Variants in TMEM101 observed in about 807,000 individuals in gnomAD.
TMEM101 encodes the protein transmembrane protein 101.
A neutral mutation model predicts 26.0 loss-of-function variants in TMEM101; 14 were observed. The observed-to-expected ratio is 0.54, with a 90% confidence interval of 0.36 to 0.84. The LOEUF (loss-of-function observed/expected upper bound fraction) is 0.84, where lower values mean the gene tolerates loss of function less well. Ranked by LOEUF, TMEM101 falls within the 40% of genes least tolerant of loss-of-function variation. TMEM101 has a pLI of 0.01. For missense variants in TMEM101, 292 were observed against 345.1 expected (o/e 0.85, Z 1.22); for synonymous variants, 152 against 145.1 (o/e 1.05, Z -0.34).
chr17:44,014,799 T>A lies in TMEM101; in HGVS notation c.137+17A>T. On this transcript the variant is annotated intron_variant, in intron 1 of 3. Coordinates refer to ENST00000206380, the MANE Select transcript of TMEM101 (RefSeq NM_032376.4). ...ACCGCCCCCTGCCGCGTTTAGCGGCTGCGTAGGCCTGCTCACCGGCGTGCC... is the reference window on the plus strand; with the variant it reads ...ACCGCCCCCTGCCGCGTTTAGCGGCAGCGTAGGCCTGCTCACCGGCGTGCC... The A allele has an allele frequency of 6.5e-7, 1 of 1,540,940 alleles. No individual in the cohort carries two copies. The highest frequency in any genetic ancestry group is 8.8e-7 in the Non-Finnish European group (1 of 1,141,792).
At chr17:44,016,125 G>GCACACA (rs34740275), upstream of TMEM101, among the ~76,000 whole-genome samples, 1 of 147,946 alleles carries the variant, frequency 6.8e-6, no homozygotes, top group African/African-American at 2.5e-5. Context: ...AGATACACAC[G>GCACACA]CACACACACA....
upstream of TMEM101, among the ~76,000 whole-genome samples, chr17:44,016,258 C>T (rs1444348799): frequency 8.5e-5 from 13 of 152,052 alleles, no homozygotes; most frequent in East Asian, 1.9e-4. Flanking sequence ...CTACAGCCTA[C>T]ACCTCCCAGG....
chr17:44,023,103 G>A (rs7223038), exon 1 of TMEM101: 60,958 of 360,032 alleles, frequency 0.17, 5,852 homozygotes, highest in Non-Finnish European at 0.21. Context: ...TCGGCCACTC[G>A]TCCGTGCACA....
rs559735674 is a variant in TMEM101, at chr17:44,014,743, G to A, written c.137+73C>T. ...CAATTCCTCCCAGTTCAAGGGTCCC[G>A]ACTTCTAGCCCCCAATTTCTTGCCC... On this transcript the variant is annotated intron_variant, in intron 1 of 3. Transcript: ENST00000206380. 4.2e-5 allele frequency: 64 copies of A among 1,514,868 alleles called. No individual in the cohort carries two copies. In the Middle Eastern group the frequency reaches 1.2e-3, roughly 28 times the overall value. 93.8% of individuals were successfully genotyped at this position (1,514,868 alleles called of 1,614,324 possible). A position where few individuals can be genotyped will look rare whatever the true frequency, so the allele number is the denominator to read the frequency against.
upstream of TMEM101, among the ~76,000 whole-genome samples, chr17:44,015,905 C>A (rs1459734241): frequency 6.6e-6 from 1 of 152,068 alleles, no homozygotes; most frequent in Non-Finnish European, 1.5e-5. Flanking sequence ...CAAGTCAGTC[C>A]ATTTCTCCAG....
At chr17:44,022,935 T>C (rs2049298813) in intron 1 of TMEM101, 1 of 159,978 alleles carries the variant, frequency 6.3e-6, no homozygotes, top group Admixed American at 6.5e-5. Flanking sequence ...GCAGATATAA[T>C]AAGCGAATGA....
At position 44,011,897 on chromosome 17, in the gene TMEM101, C is replaced by CT. The variant is rs1329962838; in HGVS notation, c.*30dup. On this transcript the variant is annotated 3_prime_UTR_variant, in exon 4 of 4. Coordinates refer to ENST00000206380, the MANE Select transcript of TMEM101 (RefSeq NM_032376.4). ...AGGCAGGGTGACCCTCAGTGGCTCC[C>CT]TGTGCCCATCTCAGCCTCTTGCCAT... 1 of 1,577,586 alleles carries CT rather than the reference C, an allele frequency of 6.3e-7. No individual in the cohort carries two copies. The highest frequency in any genetic ancestry group is 8.6e-7 in the Non-Finnish European group (1 of 1,158,384).
At position 44,014,901 on chromosome 17, in the gene TMEM101, A is replaced by G. The variant is rs765043364; in HGVS notation, c.52T>C (p.Leu18=). The G allele has an allele frequency of 6.3e-5, 101 of 1,613,874 alleles. No homozygotes were observed. The highest frequency in any genetic ancestry group is 8.5e-5 in the Non-Finnish European group (100 of 1,179,956). Residue 18 remains leucine, a synonymous_variant, in exon 1 of 4, where the codon TTG becomes CTG. Transcript: ENST00000206380. ...CAGCGTGTGAGCAGCACCGAACCCA[A>G]CTGCATGATCAGCTGCAACATCCAC... ...RRWMLQLIMQ[L]GSVLLTRCPF... is the part of the protein sequence containing the mutation.
chr17:44,014,581 G>C, intron 1 of TMEM101, 44 bp from the exon 2 acceptor site: 1 of 1,558,578 alleles, frequency 6.4e-7, no homozygotes, highest in Non-Finnish European at 8.7e-7. Flanking sequence ...GAATGAAGCG[G>C]TGGGGGAAGA....
Position 44,014,406 on chromosome 17 carries a change from G to C in TMEM101, c.269C>G (p.Thr90Ser), listed in dbSNP as rs2049200531. ...LGAALQLAISTYAAYIGGYVH... is the reference protein window; with the variant it reads ...LGAALQLAISSYAAYIGGYVH... ...GTAGCCCCCGATGTAGGCGGCGTAG[G>C]TGCTAATGGCCAATTGGAGTGCGGC... Residue 90 changes from threonine to serine, a missense_variant, in exon 2 of 4, where the codon ACC becomes AGC. Around this residue, in one of 2 missense-constraint regions of TMEM101, gnomAD observed 143 missense variants for 133.2 expected, o/e 1.07. Transcript: ENST00000206380. 1 of 1,555,750 alleles carries C rather than the reference G, an allele frequency of 6.4e-7. No homozygotes were observed. The highest frequency in any genetic ancestry group is 1.4e-5 in the African/African-American group (1 of 73,478).
At chr17:44,014,692 G>C in intron 1 of TMEM101, 124 bp downstream of exon 1, 1 of 1,504,914 alleles carries the variant, frequency 6.6e-7, no homozygotes, top group Non-Finnish European at 8.9e-7. Context: ...CCGACACCCA[G>C]ACCAGAACCC....
chr17:44,020,438 G>A (rs543971296), intron 2 of TMEM101, among the ~76,000 whole-genome samples: 15 of 152,198 alleles, frequency 9.9e-5, no homozygotes, highest in Non-Finnish European at 1.5e-4. Flanking sequence ...GTGTTATCCC[G>A]GGCCAGGCGC....
At chr17:44,012,459 A>G (rs2049173805) in intron 3 of TMEM101, 2 of 564,170 alleles carry the variant, frequency 3.5e-6, no homozygotes, top group Non-Finnish European at 6.3e-6. Flanking sequence ...GCTATGAAGG[A>G]AGTGTATTTC....
At position 44,011,501 on chromosome 17, in the gene TMEM101, T is replaced by C; in HGVS notation, c.*427A>G. On this transcript the variant is annotated 3_prime_UTR_variant, in exon 4 of 4. Transcript: ENST00000206380. ...TCAACACACGCACTCCCTCTCACAGTCTCCAAACAGCACTGCAGAGCCTAG... is the reference window on the plus strand; with the variant it reads ...TCAACACACGCACTCCCTCTCACAGCCTCCAAACAGCACTGCAGAGCCTAG... 5.1e-6 allele frequency: 1 copy of C among 195,210 alleles called. No individual in the cohort carries two copies. Among genetic ancestry groups the C allele is most frequent in the South Asian group, 9.1e-5 (1 of 10,998 alleles). The allele number at this position is 195,210 out of a possible 1,614,324, so 12.1% of individuals were successfully genotyped here.
intron 2 of TMEM101, among the ~76,000 whole-genome samples, chr17:44,021,033 T>C (rs1211983293): frequency 1.3e-5 from 2 of 152,216 alleles, no homozygotes; most frequent in Non-Finnish European, 2.9e-5. Flanking sequence ...TGTGCCTTCA[T>C]ATTCTGCTCC....
chr17:44,021,838 T>A (rs371533620), intron 1 of TMEM101, among the ~76,000 whole-genome samples: 6 of 152,294 alleles, frequency 3.9e-5, no homozygotes, highest in African/African-American at 1.4e-4. Flanking sequence ...TTGAAAGGGG[T>A]ATAAGCTTTG....
At chr17:44,022,581 G>C (rs2049295235) in intron 1 of TMEM101, among the ~76,000 whole-genome samples, 1 of 152,186 alleles carries the variant, frequency 6.6e-6, no homozygotes, top group Non-Finnish European at 1.5e-5. Flanking sequence ...TCCACGCAGG[G>C]AAATTCCCTC....
upstream of TMEM101, among the ~76,000 whole-genome samples, chr17:44,018,533 G>A (rs1567948828): frequency 6.6e-6 from 1 of 152,184 alleles, no homozygotes; most frequent in Non-Finnish European, 1.5e-5. Flanking sequence ...ACATAGTACA[G>A]AATCAACTTT....
upstream of TMEM101, chr17:44,019,200 G>A: frequency 3.9e-6 from 1 of 256,936 alleles, no homozygotes; most frequent in South Asian, 3.7e-5. Flanking sequence ...GCAATGGGAA[G>A]GGGAGAAAGG....
Sources: gnomAD v4.1 joint callset for allele counts (sites outside exome capture counted in the v4.1 genomes callset) on GRCh38, gnomAD v4.1.1 for gene constraint, gnomAD v4.1.1 regional missense constraint, MANE v1.5 for transcripts, NCBI Gene and HGNC (gene_info 2026-07-23, HGNC 2026-07-21) for gene names.